IDH2: variants seen among roughly 807,000 people sequenced by gnomAD.
The protein encoded by IDH2 is isocitrate dehydrogenase [NADP], mitochondrial.
In IDH2, 18 loss-of-function variants were observed where a neutral mutation model predicts 50.5. The observed-to-expected ratio is 0.36, with a 90% CI of 0.25 to 0.53. The LOEUF (loss-of-function observed/expected upper bound fraction) is 0.53, where lower values mean the gene tolerates loss of function less well. Ranked by LOEUF, IDH2 falls within the 20% of genes least tolerant of loss-of-function variation. The pLI is 0.92. For synonymous variants in IDH2, 280 were observed against 239.8 expected (o/e 1.17, Z -1.55); for missense variants, 518 against 610.7 (o/e 0.85, Z 1.60).
chr15:90,090,118 G>A lies in IDH2; in HGVS notation c.373+361C>T, dbSNP rs149064657. ...CCTCCTCCTCCTCAGCCCTGTCACC[G>A]ATGACACCTACCACTGTCAGAGCCA... On this transcript the variant is annotated intron_variant, in intron 3 of 10. Coordinates refer to ENST00000330062, the MANE Select transcript of IDH2 (RefSeq NM_002168.4). 8.3e-4 allele frequency among the ~76,000 whole-genome samples: 126 copies of A among 152,286 alleles called. 2 individuals are homozygous for A. In the East Asian group the frequency reaches 0.013, roughly 16 times the overall value.
chr15:90,089,732 C>T (rs1206219687), intron 3 of IDH2, among the ~76,000 whole-genome samples: 1 of 152,226 alleles, frequency 6.6e-6, no homozygotes, highest in Non-Finnish European at 1.5e-5. Flanking sequence ...CCTCAACCAT[C>T]CTTTCTCGAA....
rs1901306784 is a variant in IDH2 at position 90,100,704 on chromosome 15, G to A, written c.115+1572C>T. On this transcript the variant is annotated intron_variant, in intron 1 of 10. Transcript: ENST00000330062. This position sits in a 1 kb window ranked among gnomAD's most constrained non-coding sequence, Gnocchi z 4.1. ...CAAAATATTCTTTCCTTGTCATCAA[G>A]GGGAATGCCAAGTATTCTGTCTCCA... 1.1e-6 allele frequency: 1 copy of A among 949,508 alleles called. No individual in the cohort carries two copies. Among genetic ancestry groups the A allele is most frequent in the Non-Finnish European group, 1.3e-6 (1 of 797,130 alleles). The allele number at this position is 949,508 out of a possible 1,614,324, so 58.8% of individuals were successfully genotyped here. A position where few individuals can be genotyped will look rare whatever the true frequency, so the allele number is the denominator to read the frequency against.
chr15:90,088,833 G>T, intron 3 of IDH2, 86 bp from the exon 4 acceptor site: 1 of 1,462,124 alleles, frequency 6.8e-7, no homozygotes, highest in South Asian at 1.1e-5. Context: ...ACAGCCAGAC[G>T]GGGGTCCTAA....
Position 90,098,327 on chromosome 15 carries a change from G to A in IDH2, c.115+3949C>T, listed in dbSNP as rs1901233343. On this transcript the variant is annotated intron_variant, in intron 1 of 10. Transcript: ENST00000330062. The surrounding 1 kb of genome is among the most constrained non-coding windows in gnomAD (Gnocchi z 5.1). ...GGCTTCTTGCTGCTCCCAGCAGGAG[G>A]CTAGAGGTCCAGCCGCAGGCAGCCA... 1.3e-5 allele frequency among the ~76,000 whole-genome samples: 2 copies of A among 152,160 alleles called. No individual in the cohort carries two copies. Among genetic ancestry groups the A allele is most frequent in the Admixed American group, 6.5e-5 (1 of 15,274 alleles).
chr15:90,099,901 G>A (rs927928409), intron 1 of IDH2, among the ~76,000 whole-genome samples: 9 of 152,144 alleles, frequency 5.9e-5, no homozygotes, highest in South Asian at 2.1e-4. Flanking sequence ...CCCAGCACCC[G>A]GCATGGTGTC....
In IDH2 at chr15:90,084,176, G is replaced by T; in HGVS notation, c.*90C>A. ...CATCCCCTAGAAAGGCCTCCAGAGA[G>T]GGGCTGTGAGGCTCACCCTCTGCCG... On this transcript the variant is annotated 3_prime_UTR_variant, in exon 11 of 11. Transcript: ENST00000330062. The surrounding 1 kb of genome is among the most constrained non-coding windows in gnomAD (Gnocchi z 5.0). 1.0e-6 allele frequency: 1 copy of T among 981,256 alleles called. No individual in the cohort carries two copies. The highest frequency in any genetic ancestry group is 1.3e-5 in the South Asian group (1 of 74,380). 60.8% of individuals were successfully genotyped at this position (981,256 alleles called of 1,614,324 possible).
Position 90,084,785 on chromosome 15 carries a change from C to A in IDH2, c.1271+31G>T. On this transcript the variant is annotated intron_variant, in intron 10 of 10. Transcript: ENST00000330062. This position sits in a 1 kb window ranked among gnomAD's most constrained non-coding sequence, Gnocchi z 5.0. Reference sequence around the variant, plus strand: ...CCCCTGGCTTCCTCCCACATGGCCCCAGGGTCTGCCTACCACCCCAGGCCA... The same window carrying A: ...CCCCTGGCTTCCTCCCACATGGCCCAAGGGTCTGCCTACCACCCCAGGCCA... 1 of 1,583,406 alleles carries A rather than the reference C, an allele frequency of 6.3e-7. No individual in the cohort carries two copies. Among genetic ancestry groups the A allele is most frequent in the Non-Finnish European group, 8.7e-7 (1 of 1,154,116 alleles).
intron 3 of IDH2, among the ~76,000 whole-genome samples, chr15:90,090,010 C>A (rs144922118): frequency 0.021 from 3,264 of 152,336 alleles, 43 homozygotes; most frequent in South Asian, 0.036. Flanking sequence ...TGCATACCTG[C>A]CTGCAAGACT....
chr15:90,087,564 A>G lies in IDH2; in HGVS notation c.690T>C (p.Gly230=). 6.2e-7 allele frequency: 1 copy of G among 1,613,384 alleles called. No homozygotes were observed. Among genetic ancestry groups the G allele is most frequent in the Middle Eastern group, 1.8e-4 (1 of 5,462 alleles). Residue 230 remains glycine (G), a synonymous_variant, in exon 6 of 11, where the codon GGT becomes GGC. Coordinates refer to ENST00000330062, the MANE Select transcript of IDH2 (RefSeq NM_002168.4). ...GMYNTDESIS[G]FAHSCFQYAI... is the part of the protein sequence containing the mutation. ...CATACTGGAAGCAGCTGTGCGCAAA[A>G]CCTGAGATGGACTGCAGGGGGAGAG... is the stretch of plus-strand genomic sequence containing the variant.
chr15:90,102,406 G>T lies in IDH2; in HGVS notation c.-16C>A. ...AGCCGGCCATCCCAAGCTGGAGAGCGAACGAGCAGGGCGGGAGAGGTCCGA... is the reference window on the plus strand; with the variant it reads ...AGCCGGCCATCCCAAGCTGGAGAGCTAACGAGCAGGGCGGGAGAGGTCCGA... On this transcript the variant is annotated 5_prime_UTR_variant, in exon 1 of 11. Transcript: ENST00000330062. The T allele has an allele frequency of 7.7e-7, 1 of 1,306,338 alleles. No individual in the cohort carries two copies. The highest frequency in any genetic ancestry group is 9.9e-7 in the Non-Finnish European group (1 of 1,009,354). The allele number at this position is 1,306,338 out of a possible 1,614,324, so 80.9% of individuals were successfully genotyped here. A position where few individuals can be genotyped will look rare whatever the true frequency, so the allele number is the denominator to read the frequency against.
In IDH2 at chr15:90,084,966, T is replaced by C; in HGVS notation, c.1178+35A>G. 4 of 1,608,858 alleles carry C rather than the reference T, an allele frequency of 2.5e-6. No individual in the cohort carries two copies. Among genetic ancestry groups the C allele is most frequent in the Middle Eastern group, 1.7e-4 (1 of 6,054 alleles). On this transcript the variant is annotated intron_variant, in intron 9 of 10. Transcript: ENST00000330062. The surrounding 1 kb of genome is among the most constrained non-coding windows in gnomAD (Gnocchi z 5.0). ...GTGCAAGGGCAGGACCCAGAGCCTG[T>C]CCTGGGCAGCTCCGGCCTCTCCCTC...
Position 90,093,889 on chromosome 15 carries a change from G to C in IDH2, c.116-2245C>G, listed in dbSNP as rs371952639. Among the ~76,000 whole-genome samples, 22 of 140,154 alleles carry C rather than the reference G, an allele frequency of 1.6e-4. No homozygotes were observed. The East Asian group carries it at 3.6e-3, about 23-fold the overall frequency. The allele number at this position is 140,154 out of a possible 152,430, so 91.9% of individuals were successfully genotyped here. ...CCCACTTTGGCCTCCCAAAGTGCTG[G>C]GATTACAGGCGTGAGCCACCACGCC... On this transcript the variant is annotated intron_variant, in intron 1 of 10. Transcript: ENST00000330062.
rs1317679019 is a variant in IDH2 at position 90,102,308 on chromosome 15, G to A, written c.83C>T (p.Ala28Val). Residue 28 changes from alanine to valine, a missense_variant, in exon 1 of 11, where the codon GCC becomes GTC. By Grantham distance (64) the Ala-to-Val change is moderately conservative. Around this residue, in one of 5 missense-constraint regions of IDH2, gnomAD observed 85 missense variants for 66.9 expected, o/e 1.27. Coordinates refer to ENST00000330062, the MANE Select transcript of IDH2 (RefSeq NM_002168.4). Reference protein sequence around the residue: ...RPAWAPAALTAPTSQEQPRRH... With the variant: ...RPAWAPAALTVPTSQEQPRRH... The stretch of plus-strand genomic sequence containing the variant: ...CCGCGGCTGCTCTTGCGAGGTGGGG[G>A]CTGTCAGGGCCGCCGGCGCCCAGGC... 2.2e-6 allele frequency: 3 copies of A among 1,354,724 alleles called. No individual in the cohort carries two copies. Among genetic ancestry groups the A allele is most frequent in the Non-Finnish European group, 2.9e-6 (3 of 1,042,672 alleles). 83.9% of individuals were successfully genotyped at this position (1,354,724 alleles called of 1,614,324 possible).
Position 90,098,486 on chromosome 15 carries a change from A to T in IDH2, c.115+3790T>A, listed in dbSNP as rs1048271863. ...TCCTGGGGGCTCAAGAAGGCAGGAC[A>T]GCAACTTTGTATATTTTATGTATGT... On this transcript the variant is annotated intron_variant, in intron 1 of 10. Transcript: ENST00000330062. This position sits in a 1 kb window ranked among gnomAD's most constrained non-coding sequence, Gnocchi z 5.1. Among the ~76,000 whole-genome samples the T allele has an allele frequency of 1.1e-5, 1 of 94,856 alleles. No individual in the cohort carries two copies. The highest frequency in any genetic ancestry group is 3.3e-5 in the African/African-American group (1 of 30,574). 62.2% of individuals were successfully genotyped at this position (94,856 alleles called of 152,430 possible).
chr15:90,099,247 C>T (rs747950026), intron 1 of IDH2, among the ~76,000 whole-genome samples: 7 of 152,174 alleles, frequency 4.6e-5, no homozygotes, highest in Non-Finnish European at 8.8e-5. Flanking sequence ...TGCCGAACCT[C>T]ATCCTGTCAC....
intron 1 of IDH2, among the ~76,000 whole-genome samples, chr15:90,097,495 G>A (rs1459722671): frequency 6.6e-6 from 1 of 152,152 alleles, no homozygotes; most frequent in Non-Finnish European, 1.5e-5. Context: ...TGAAAAGAAG[G>A]GAAATTCTGA....
At chr15:90,086,788 C>T (rs1395215434) in intron 7 of IDH2, among the ~76,000 whole-genome samples, 4 of 152,134 alleles carry the variant, frequency 2.6e-5, no homozygotes, top group Non-Finnish European at 5.9e-5. Context: ...CCTCCAGTCC[C>T]GCTTGATCCC....
intron 1 of IDH2, among the ~76,000 whole-genome samples, chr15:90,094,796 G>A (rs1016926431): frequency 3.3e-5 from 5 of 152,178 alleles, no homozygotes; most frequent in Non-Finnish European, 7.3e-5. Flanking sequence ...CAGCTACCGA[G>A]GAGGCTGAGG....
chr15:90,089,762 C>T (rs1168784120), intron 3 of IDH2, among the ~76,000 whole-genome samples: 1 of 152,234 alleles, frequency 6.6e-6, no homozygotes, highest in Non-Finnish European at 1.5e-5. Flanking sequence ...CCTGGCCCCT[C>T]TGCACACACA....
Sources: gnomAD v4.1 joint callset for allele counts (sites outside exome capture counted in the v4.1 genomes callset) on GRCh38, gnomAD v4.1.1 for gene constraint, gnomAD v4.1.1 regional missense constraint, Gnocchi (gnomAD v3.1) non-coding constraint, MANE v1.5 for transcripts, NCBI Gene and HGNC (gene_info 2026-07-23, HGNC 2026-07-21) for gene names.